ARHGEF26: variants seen among roughly 807,000 people sequenced by gnomAD.
ARHGEF26 encodes Rho guanine nucleotide exchange factor 26.
In ARHGEF26, 59 loss-of-function variants were observed where a neutral mutation model predicts 89.4. That is an observed-to-expected ratio of 0.66 (90% confidence interval 0.54 to 0.82). The LOEUF (loss-of-function observed/expected upper bound fraction) is 0.82, where lower values mean the gene tolerates loss of function less well. Among genes scored for constraint, ARHGEF26 ranks in the 40% least tolerant of loss-of-function variants. The pLI is 0.00. For synonymous variants in ARHGEF26, 500 were observed against 428.4 expected (o/e 1.17, Z -2.06); for missense variants, 1,234 against 1,085.6 (o/e 1.14, Z -1.92).
At chr3:154,205,271 C>T (rs1714947163) in intron 9 of ARHGEF26, among the ~76,000 whole-genome samples, 1 of 151,810 alleles carries the variant, frequency 6.6e-6, no homozygotes, top group Non-Finnish European at 1.5e-5. Flanking sequence ...TTCTTTGTGT[C>T]TTCTTGCAGT....
intron 11 of ARHGEF26, among the ~76,000 whole-genome samples, chr3:154,239,299 A>AGAGTGTGTGT (rs1182446964): frequency 6.2e-5 from 4 of 64,326 alleles, no homozygotes; most frequent in African/African-American, 2.4e-4. Flanking sequence ...AGAGAGAGAG[A>AGAGTGTGTGT]GTGTGTGTGT....
chr3:154,256,570 A>T lies in ARHGEF26; in HGVS notation c.*1097A>T. 1 of 1,002,764 alleles carries T rather than the reference A, an allele frequency of 1.0e-6. No homozygotes were observed. The highest frequency in any genetic ancestry group is 1.2e-6 in the Non-Finnish European group (1 of 842,540). 62.1% of individuals were successfully genotyped at this position (1,002,764 alleles called of 1,614,324 possible). ...AATTAAAAAAAAAAAAAAAAAAAAAAAAAAACCTTCCCAAATGAGCTGATA... is the reference window on the plus strand; with the variant it reads ...AATTAAAAAAAAAAAAAAAAAAAAATAAAAACCTTCCCAAATGAGCTGATA... On this transcript the variant is annotated 3_prime_UTR_variant, in exon 15 of 15. Transcript: ENST00000465093.
At chr3:154,212,624 G>C (rs867225646) in intron 9 of ARHGEF26, among the ~76,000 whole-genome samples, 24 of 152,022 alleles carry the variant, frequency 1.6e-4, no homozygotes, top group African/African-American at 4.1e-4. Context: ...GTGGGTGGTA[G>C]GTGGTTTCGG....
intron 4 of ARHGEF26, among the ~76,000 whole-genome samples, chr3:154,136,676 T>C (rs562001594): frequency 6.6e-6 from 1 of 152,214 alleles, no homozygotes; most frequent in African/African-American, 2.4e-5. Context: ...TCATTCTGTT[T>C]GCAGAAATGC....
At chr3:154,190,108 C>G (rs1713858928) in intron 7 of ARHGEF26, among the ~76,000 whole-genome samples, 1 of 152,290 alleles carries the variant, frequency 6.6e-6, no homozygotes. Context: ...ACCTCCTACC[C>G]TCCTTGCCTT....
chr3:154,238,371 G>C (rs892831396), intron 11 of ARHGEF26, among the ~76,000 whole-genome samples: 1 of 152,168 alleles, frequency 6.6e-6, no homozygotes, highest in Non-Finnish European at 1.5e-5. Flanking sequence ...AATTAGGCTT[G>C]ATCAGAAGGC....
chr3:154,253,233 C>A (rs536045323), intron 13 of ARHGEF26, 50 bp downstream of exon 13: 1 of 1,603,212 alleles, frequency 6.2e-7, no homozygotes, highest in South Asian at 1.1e-5. Context: ...TGGGCTCTGC[C>A]CCCTGCTGGA....
rs1393867052 is a variant in ARHGEF26 at position 154,256,784 on chromosome 3, C to T, written c.*1311C>T. 2.0e-6 allele frequency: 3 copies of T among 1,475,862 alleles called. No homozygotes were observed. Among genetic ancestry groups the T allele is most frequent in the Admixed American group, 4.9e-5 (2 of 40,882 alleles). 91.4% of individuals were successfully genotyped at this position (1,475,862 alleles called of 1,614,324 possible). ...CTTTTGACCTTAGTGGGAATTCATT[C>T]TATTTGCACTAAAAGCCTTAACTTG... is the stretch of plus-strand genomic sequence containing the variant. On this transcript the variant is annotated 3_prime_UTR_variant, in exon 15 of 15. Transcript: ENST00000465093.
intron 7 of ARHGEF26, among the ~76,000 whole-genome samples, chr3:154,190,938 A>G (rs1360900629): frequency 1.3e-5 from 2 of 152,172 alleles, no homozygotes; most frequent in African/African-American, 4.8e-5. Flanking sequence ...GATCGGATAT[A>G]AAAGACCTAG....
At chr3:154,213,193 G>C (rs952787869) in intron 9 of ARHGEF26, among the ~76,000 whole-genome samples, 1 of 135,588 alleles carries the variant, frequency 7.4e-6, no homozygotes, top group African/African-American at 2.9e-5. Flanking sequence ...ATTTCTTTAC[G>C]AGTAACATAG....
chr3:154,154,705 A>G (rs1390558620), intron 6 of ARHGEF26, among the ~76,000 whole-genome samples: 1 of 151,958 alleles, frequency 6.6e-6, no homozygotes, highest in African/African-American at 2.4e-5. Context: ...CAGCCTCTTT[A>G]TTCATGTAAC....
intron 3 of ARHGEF26, among the ~76,000 whole-genome samples, chr3:154,126,174 G>C (rs962368679): frequency 1.3e-5 from 2 of 152,158 alleles, no homozygotes; most frequent in Non-Finnish European, 2.9e-5. Flanking sequence ...TCAGAGACCA[G>C]TAAAATCTTG....
At chr3:154,250,663 T>C (rs1718084920) in intron 12 of ARHGEF26, among the ~76,000 whole-genome samples, 1 of 152,198 alleles carries the variant, frequency 6.6e-6, no homozygotes, top group Non-Finnish European at 1.5e-5. Flanking sequence ...CAAGTTGCTC[T>C]AAATTGCTCC....
At chr3:154,222,600 TAAAC>T (rs1350909252) in intron 10 of ARHGEF26, among the ~76,000 whole-genome samples, 2 of 152,244 alleles carry the variant, frequency 1.3e-5, no homozygotes, top group East Asian at 1.9e-4. Context: ...TGATTTATAG[TAAAC>T]AAGCAGCAAA....
intron 6 of ARHGEF26, among the ~76,000 whole-genome samples, chr3:154,164,614 A>G (rs1711884785): frequency 6.6e-6 from 1 of 152,116 alleles, no homozygotes; most frequent in Admixed American, 6.5e-5. Flanking sequence ...GTAACAAGAA[A>G]AACTGTCTCT....
intron 6 of ARHGEF26, among the ~76,000 whole-genome samples, chr3:154,159,673 A>G (rs1027983185): frequency 1.2e-4 from 18 of 152,162 alleles, no homozygotes; most frequent in Non-Finnish European, 2.1e-4. Context: ...AAAAATGACA[A>G]TTTATGTAAA....
chr3:154,194,817 T>A, intron 9 of ARHGEF26, 99 bp downstream of exon 9: 1 of 987,976 alleles, frequency 1.0e-6, no homozygotes, highest in Non-Finnish European at 1.6e-6. Context: ...TGGTAGAGTC[T>A]CACAGCCATT....
intron 12 of ARHGEF26, among the ~76,000 whole-genome samples, chr3:154,252,434 A>G (rs1343982842): frequency 6.6e-6 from 1 of 152,202 alleles, no homozygotes; most frequent in Non-Finnish European, 1.5e-5. Flanking sequence ...AACCAGGGTG[A>G]CTGCATTATG....
At chr3:154,153,032 A>C in intron 6 of ARHGEF26, 100 bp downstream of exon 6, 138 of 1,119,806 alleles carry the variant, frequency 1.2e-4, no homozygotes, top group East Asian at 2.1e-4. Flanking sequence ...ATCAAGTCTC[A>C]TTCAGTTGGC....
Sources: gnomAD v4.1 joint callset for allele counts (sites outside exome capture counted in the v4.1 genomes callset) on GRCh38, gnomAD v4.1.1 for gene constraint, MANE v1.5 for transcripts, NCBI Gene and HGNC (gene_info 2026-07-23, HGNC 2026-07-21) for gene names.